Variants in LRP6 observed in about 807,000 individuals in gnomAD.
LRP6 encodes the protein low-density lipoprotein receptor-related protein 6.
Under a neutral mutation model 184.1 loss-of-function variants are expected in LRP6, and 43 were observed. That is an observed-to-expected ratio of 0.23 (90% confidence interval 0.18 to 0.30). The LOEUF (loss-of-function observed/expected upper bound fraction) is 0.30, where lower values mean the gene tolerates loss of function less well. Among genes scored for constraint, LRP6 ranks in the 10% least tolerant of loss-of-function variants. The pLI is 1.00. For synonymous variants in LRP6, 719 were observed against 684.9 expected, an observed-to-expected ratio of 1.05 and a Z score of -0.78; for missense variants, 1,571 against 2,005.3, an observed-to-expected ratio of 0.78 and a Z score of 4.14.
intron 2 of LRP6, among the ~76,000 whole-genome samples, chr12:12,214,364 A>G (rs1324430413): frequency 6.6e-6 from 1 of 152,232 alleles, no homozygotes; most frequent in Non-Finnish European, 1.5e-5. Context: ...CCTTACCAGT[A>G]AAGATAAGCT....
rs1163359967 is a variant in LRP6 at position 12,132,047 on chromosome 12, T to C, written c.3744A>G (p.Thr1248=). 10 of 1,612,386 alleles carry C rather than the reference T, an allele frequency of 6.2e-6. No homozygotes were observed. In the South Asian group the frequency reaches 6.6e-5, roughly 11 times the overall value. ...AACAAGTAAACTGCTGAGGAGAACA[T>C]GTTGGAGGTTCTTCAAATGAACAAG... ...QDELSCGEPP[T]CSPQQFTCFT... Residue 1248 remains threonine, a synonymous_variant, in exon 18 of 23, where the codon ACA becomes ACG. Transcript: ENST00000261349.
chr12:12,169,345 A>C (rs989266829), intron 7 of LRP6, among the ~76,000 whole-genome samples: 3 of 152,182 alleles, frequency 2.0e-5, no homozygotes, highest in African/African-American at 4.8e-5. Context: ...AATTAACAAA[A>C]GCAGCATTTG....
intron 2 of LRP6, among the ~76,000 whole-genome samples, chr12:12,230,247 A>C (rs1864747588): frequency 6.6e-6 from 1 of 152,260 alleles, no homozygotes; most frequent in Non-Finnish European, 1.5e-5. Context: ...TAGACACACA[A>C]GCCATTTTAT....
intron 22 of LRP6, 85 bp downstream of exon 22, chr12:12,124,479 TC>T: frequency 1.1e-6 from 1 of 893,080 alleles, no homozygotes; most frequent in Non-Finnish European, 1.9e-6. Context: ...GTGACCATCG[TC>T]TACTCATTTG....
At chr12:12,156,765 CT>C (rs1263848433) in intron 12 of LRP6, among the ~76,000 whole-genome samples, 9 of 152,204 alleles carry the variant, frequency 5.9e-5, no homozygotes, top group African/African-American at 2.2e-4. Context: ...TGCCTCTATT[CT>C]CTCCCGCTTT....
At chr12:12,200,586 C>T (rs1863888525) in intron 3 of LRP6, among the ~76,000 whole-genome samples, 1 of 152,174 alleles carries the variant, frequency 6.6e-6, no homozygotes, top group Non-Finnish European at 1.5e-5. Context: ...TCATCTTCCC[C>T]TCTGCATACT....
chr12:12,148,170 G>A (rs1178652767), intron 14 of LRP6, among the ~76,000 whole-genome samples: 3 of 151,770 alleles, frequency 2.0e-5, no homozygotes, highest in African/African-American at 7.3e-5. Flanking sequence ...GTACACAGAA[G>A]TTATTAGGGA....
chr12:12,167,536 G>A (rs967898376), intron 7 of LRP6, among the ~76,000 whole-genome samples: 2 of 151,874 alleles, frequency 1.3e-5, no homozygotes, highest in Non-Finnish European at 2.9e-5. Flanking sequence ...CCAGCTACTC[G>A]GGAGGCTGAG....
intron 1 of LRP6, among the ~76,000 whole-genome samples, chr12:12,254,818 A>G (rs1018862327): frequency 1.3e-5 from 2 of 152,222 alleles, no homozygotes; most frequent in South Asian, 4.1e-4. Flanking sequence ...AAGCAAGATC[A>G]CTTCCCGGCA....
intron 1 of LRP6, among the ~76,000 whole-genome samples, chr12:12,250,260 G>C (rs1449362588): frequency 6.6e-6 from 1 of 152,002 alleles, no homozygotes; most frequent in Non-Finnish European, 1.5e-5. Context: ...ATCTTTTATA[G>C]TCTCTGCATC....
chr12:12,175,815 T>C (rs2136977254), intron 7 of LRP6, among the ~76,000 whole-genome samples: 1 of 151,534 alleles, frequency 6.6e-6, no homozygotes, highest in African/African-American at 2.4e-5. Flanking sequence ...AAACCAACTA[T>C]TAGAAACACA....
intron 11 of LRP6, 29 bp downstream of exon 11, chr12:12,159,751 C>T (rs760799640): frequency 1.2e-6 from 2 of 1,605,650 alleles, no homozygotes; most frequent in Non-Finnish European, 1.7e-6. Context: ...AAAGAATATA[C>T]TGTTTGAGTA....
intron 18 of LRP6, among the ~76,000 whole-genome samples, chr12:12,131,195 C>T (rs1346183675): frequency 1.4e-5 from 2 of 140,864 alleles, no homozygotes; most frequent in African/African-American, 5.2e-5. Context: ...GCAAGCTCTG[C>T]TTCCCAGGTT....
chr12:12,188,213 AAAAAAAAAAAG>A (rs1458772292), intron 3 of LRP6, among the ~76,000 whole-genome samples: 8 of 151,788 alleles, frequency 5.3e-5, no homozygotes, highest in African/African-American at 9.7e-5. Flanking sequence ...TCATCTCAAA[AAAAAAAAAAAG>A]AAAAAAAAAA....
chr12:12,241,371 C>T (rs905497200), intron 2 of LRP6, among the ~76,000 whole-genome samples: 1 of 152,166 alleles, frequency 6.6e-6, no homozygotes, highest in African/African-American at 2.4e-5. Context: ...TACTTTTCAA[C>T]TAAAACCACA....
At chr12:12,148,358 T>C (rs1489530251) in intron 14 of LRP6, among the ~76,000 whole-genome samples, 1 of 152,178 alleles carries the variant, frequency 6.6e-6, no homozygotes, top group Non-Finnish European at 1.5e-5. Flanking sequence ...ATATTTAACG[T>C]CTAGATTTCA....
Position 12,147,509 on chromosome 12 carries a change from C to T in LRP6, c.3254G>A (p.Arg1085Gln). Residue 1085 changes from arginine (R) to glutamine (Q), a missense_variant, in exon 15 of 23, where the codon CGG becomes CAG. Physicochemically the swap from Arg to Gln is conservative, Grantham distance 43. This residue lies in a region of LRP6 where 763 missense variants were observed against 859.5 expected (regional missense o/e 0.89). Transcript: ENST00000261349. The part of the protein sequence containing the change: ...NLQERSPKIE[R>Q]AALDGTEREV... ...CCGTTCTGTCCCATCCAAAGCAGCC[C>T]GTTCAATTTTAGGAGACCTTTCCTG... The T allele has an allele frequency of 2.5e-6, 4 of 1,613,880 alleles. No individual in the cohort carries two copies. The highest frequency in any genetic ancestry group is 1.3e-5 in the African/African-American group (1 of 74,930).
intron 15 of LRP6, among the ~76,000 whole-genome samples, chr12:12,145,069 C>G (rs1022883084): frequency 3.3e-5 from 5 of 151,658 alleles, no homozygotes; most frequent in Non-Finnish European, 2.9e-5. Flanking sequence ...AAAAAAAAAA[C>G]TGCAATTACT....
chr12:12,264,871 G>C (rs1231284723), intron 1 of LRP6, among the ~76,000 whole-genome samples: 1 of 152,192 alleles, frequency 6.6e-6, no homozygotes, highest in Non-Finnish European at 1.5e-5. Context: ...AACTTTGCTA[G>C]TGGAAACGAG....
Sources: gnomAD v4.1 joint callset for allele counts (sites outside exome capture counted in the v4.1 genomes callset) on GRCh38, gnomAD v4.1.1 for gene constraint, gnomAD v4.1.1 regional missense constraint, MANE v1.5 for transcripts, NCBI Gene and HGNC (gene_info 2026-07-23, HGNC 2026-07-21) for gene names.